The following ARHGAP24 variants were observed in gnomAD, a reference collection of about 807,000 sequenced individuals.
ARHGAP24 encodes rho GTPase-activating protein 24.
In ARHGAP24, 50 loss-of-function variants were observed where a neutral mutation model predicts 76.4. The observed-to-expected ratio is 0.65, with a 90% CI of 0.52 to 0.83. The LOEUF (loss-of-function observed/expected upper bound fraction) is 0.83. Among genes scored for constraint, ARHGAP24 ranks in the 40% least tolerant of loss-of-function variants. The probability of loss-of-function intolerance (pLI) is 0.00; values close to 1 mark genes in which losing one functional copy is unlikely to be tolerated. For synonymous variants in ARHGAP24, 345 were observed against 323.3 expected, an observed-to-expected ratio of 1.07 and a Z score of -0.72; for missense variants, 930 against 914.2, an observed-to-expected ratio of 1.02 and a Z score of -0.22.
intron 3 of ARHGAP24, among the ~76,000 whole-genome samples, chr4:85,811,798 A>G (rs1338432666): frequency 2.0e-5 from 3 of 152,232 alleles, no homozygotes; most frequent in African/African-American, 4.8e-5. Flanking sequence ...TTTTAAACAA[A>G]GTCATATTGC....
intron 5 of ARHGAP24, among the ~76,000 whole-genome samples, chr4:85,944,630 G>T (rs911605753): frequency 1.3e-5 from 2 of 152,116 alleles, no homozygotes; most frequent in African/African-American, 4.8e-5. Flanking sequence ...TTTTAGTCAT[G>T]AAGTCTTTGT....
chr4:85,954,868 G>A (rs183888521), intron 5 of ARHGAP24, among the ~76,000 whole-genome samples: 3 of 152,256 alleles, frequency 2.0e-5, no homozygotes, highest in Admixed American at 6.5e-5. Flanking sequence ...AAATTAGCTG[G>A]GTGTGGTGGC....
intron 1 of ARHGAP24, among the ~76,000 whole-genome samples, chr4:85,495,857 A>T (rs1016415641): frequency 2.0e-5 from 3 of 152,190 alleles, no homozygotes; most frequent in Admixed American, 6.5e-5. Context: ...GCTGTAATTT[A>T]TGACTGTCAG....
chr4:85,623,047 T>G lies in ARHGAP24; in HGVS notation c.180+52326T>G, dbSNP rs199745626. Among the ~76,000 whole-genome samples, 21 of 152,322 alleles carry G rather than the reference T, an allele frequency of 1.4e-4. No individual in the cohort carries two copies. The East Asian group carries it at 3.7e-3, about 27-fold the overall frequency. ...AAAGATTTTCTCCCATTCTGTAGGTTGCCTGTTCACTCTCATGTAGTTTCT... is the reference window on the plus strand; with the variant it reads ...AAAGATTTTCTCCCATTCTGTAGGTGGCCTGTTCACTCTCATGTAGTTTCT... On this transcript the variant is annotated intron_variant, in intron 2 of 9. Coordinates refer to ENST00000395184, the MANE Select transcript of ARHGAP24 (RefSeq NM_001025616.3).
chr4:85,895,012 A>AAAAAAAAAAAAAAAGC (rs1560701867), intron 3 of ARHGAP24, among the ~76,000 whole-genome samples: 1 of 33,400 alleles, frequency 3.0e-5, no homozygotes, highest in Non-Finnish European at 7.8e-5. Context: ...AAAAAAAAAA[A>AAAAAAAAAAAAAAAGC]AAAAAAAAAG....
chr4:85,562,904 T>C (rs1388419263), intron 1 of ARHGAP24, among the ~76,000 whole-genome samples: 1 of 152,026 alleles, frequency 6.6e-6, no homozygotes, highest in Admixed American at 6.6e-5. Flanking sequence ...TTAGGAAGGG[T>C]AGTGAGGGTG....
chr4:85,625,020 C>G (rs1720887481), intron 2 of ARHGAP24, among the ~76,000 whole-genome samples: 1 of 152,162 alleles, frequency 6.6e-6, no homozygotes, highest in African/African-American at 2.4e-5. Context: ...TTTCAAAAAA[C>G]CAGCTCCTGA....
intron 2 of ARHGAP24, among the ~76,000 whole-genome samples, chr4:85,652,922 A>G (rs1471242519): frequency 6.6e-6 from 1 of 152,204 alleles, no homozygotes; most frequent in East Asian, 1.9e-4. Flanking sequence ...AGAGTTGGGC[A>G]TAATGGTTTT....
At chr4:85,673,714 G>A (rs1040652051) in intron 2 of ARHGAP24, among the ~76,000 whole-genome samples, 3 of 144,990 alleles carry the variant, frequency 2.1e-5, no homozygotes, top group Admixed American at 2.0e-4. Flanking sequence ...GGGGATCTAA[G>A]CATTGAGAGG....
At chr4:85,872,139 A>G (rs898877317) in intron 3 of ARHGAP24, among the ~76,000 whole-genome samples, 1 of 151,958 alleles carries the variant, frequency 6.6e-6, no homozygotes, top group Non-Finnish European at 1.5e-5. Context: ...AGCAAGTTAT[A>G]TTTTGATTAC....
At chr4:85,541,176 C>T (rs1158801914) in intron 1 of ARHGAP24, among the ~76,000 whole-genome samples, 8 of 63,572 alleles carry the variant, frequency 1.3e-4, no homozygotes, top group South Asian at 1.0e-3. Context: ...TTTTTTGAGA[C>T]GGAGTCTCGC....
intron 2 of ARHGAP24, among the ~76,000 whole-genome samples, chr4:85,664,211 G>A (rs932316156): frequency 1.1e-4 from 17 of 151,566 alleles, no homozygotes; most frequent in Admixed American, 9.2e-4. Flanking sequence ...TCTATTCAGA[G>A]ATTCAACTTC....
chr4:85,851,152 A>G (rs949752850), intron 3 of ARHGAP24, among the ~76,000 whole-genome samples: 2 of 152,322 alleles, frequency 1.3e-5, no homozygotes, highest in African/African-American at 2.4e-5. Flanking sequence ...GTGCATATAT[A>G]TTTAGAATAG....
chr4:85,974,483 C>G (rs1253930883), intron 6 of ARHGAP24, among the ~76,000 whole-genome samples: 1 of 152,136 alleles, frequency 6.6e-6, no homozygotes, highest in African/African-American at 2.4e-5. Flanking sequence ...TAAACATGAC[C>G]AGCTCTGAGA....
intron 3 of ARHGAP24, 80 bp downstream of exon 3, chr4:85,722,052 C>A: frequency 1.5e-6 from 2 of 1,303,266 alleles, no homozygotes; most frequent in African/African-American, 1.5e-5. Context: ...AGGTTTCATT[C>A]TTTTTTGAAT....
At chr4:85,603,035 T>C (rs1720083209) in intron 2 of ARHGAP24, among the ~76,000 whole-genome samples, 1 of 152,244 alleles carries the variant, frequency 6.6e-6, no homozygotes, top group Non-Finnish European at 1.5e-5. Context: ...AAAATGCTGC[T>C]TTTTAAAATG....
intron 3 of ARHGAP24, among the ~76,000 whole-genome samples, chr4:85,810,913 C>T (rs1728987129): frequency 6.6e-6 from 1 of 152,164 alleles, no homozygotes; most frequent in African/African-American, 2.4e-5. Flanking sequence ...TTAATCAAAA[C>T]ACCCTCCATG....
chr4:85,480,428 C>T (rs947175375), intron 1 of ARHGAP24, among the ~76,000 whole-genome samples: 2 of 152,164 alleles, frequency 1.3e-5, no homozygotes, highest in Non-Finnish European at 2.9e-5. Flanking sequence ...GTACGCCAGT[C>T]AAGCTTTTTG....
At chr4:85,763,519 A>G (rs1346817420) in intron 3 of ARHGAP24, among the ~76,000 whole-genome samples, 2 of 152,158 alleles carry the variant, frequency 1.3e-5, no homozygotes, top group African/African-American at 4.8e-5. Flanking sequence ...CTGGATTGGA[A>G]GTTCAGAATG....
Sources: allele counts gnomAD v4.1 joint callset (sites outside exome capture counted in the v4.1 genomes callset), GRCh38; gene constraint gnomAD v4.1.1; transcripts MANE v1.5; gene names NCBI Gene and HGNC (gene_info 2026-07-23, HGNC 2026-07-21).